Variants in TAS2R1 observed in about 807,000 individuals in gnomAD.
TAS2R1 encodes taste 2 receptor member 1.
For missense variants in TAS2R1, 370 were observed against 353.4 expected, an observed-to-expected ratio of 1.05 and a Z score of -0.38; for synonymous variants, 141 against 134.2, an observed-to-expected ratio of 1.05 and a Z score of -0.35.
chr5:9,722,213 A>T, the TAS2R1 span, among the ~76,000 whole-genome samples: 2 of 152,240 alleles, frequency 1.3e-5, no homozygotes, highest in Non-Finnish European at 2.9e-5. Flanking sequence ...GACCCCCCAC[A>T]GGGGACCCCT....
chr5:9,764,772 G>C, the TAS2R1 span, among the ~76,000 whole-genome samples: 2 of 152,160 alleles, frequency 1.3e-5, no homozygotes, highest in Non-Finnish European at 2.9e-5. Flanking sequence ...TTCAGTTCTA[G>C]AAGCCATGTC....
the TAS2R1 span, among the ~76,000 whole-genome samples, chr5:9,799,308 T>G: frequency 6.6e-6 from 1 of 152,250 alleles, no homozygotes; most frequent in Admixed American, 6.5e-5. Context: ...TAACTAAGTA[T>G]CAGTGACAAT....
At chr5:9,670,796 C>T (rs1740734411) in intron 1 of TAS2R1, among the ~76,000 whole-genome samples, 1 of 152,102 alleles carries the variant, frequency 6.6e-6, no homozygotes, top group African/African-American at 2.4e-5. Flanking sequence ...TTGTATGAAG[C>T]CAGCATCATC....
At chr5:9,648,460 G>T (rs1201219491) in intron 2 of TAS2R1, among the ~76,000 whole-genome samples, 2 of 151,896 alleles carry the variant, frequency 1.3e-5, no homozygotes, top group Admixed American at 6.6e-5. Flanking sequence ...CTTCTGTAAG[G>T]TTAGATGAAG....
the TAS2R1 span, among the ~76,000 whole-genome samples, chr5:9,753,414 A>C: frequency 2.6e-5 from 4 of 151,852 alleles, no homozygotes; most frequent in Non-Finnish European, 5.9e-5. Context: ...TTTTCTTGTA[A>C]ATTTTTGAGT....
rs546085672 is a variant in TAS2R1 at position 9,650,975 on chromosome 5, A to G, written c.-81+8446T>C. Among the ~76,000 whole-genome samples, 24 of 152,342 alleles carry G rather than the reference A, an allele frequency of 1.6e-4. No homozygotes were observed. In the South Asian group the frequency reaches 5.0e-3, roughly 32 times the overall value. On this transcript the variant is annotated intron_variant, in intron 2 of 2. Coordinates refer to the TAS2R1 transcript ENST00000506620. ...ACTGCTGATCAATGACACTGCAGAAAGGTCCACCAGAGAATGCAACCTGAA... is the reference window on the plus strand; with the variant it reads ...ACTGCTGATCAATGACACTGCAGAAGGGTCCACCAGAGAATGCAACCTGAA...
At chr5:9,869,758 T>C in the TAS2R1 span, among the ~76,000 whole-genome samples, 1 of 152,254 alleles carries the variant, frequency 6.6e-6, no homozygotes, top group South Asian at 2.1e-4. Flanking sequence ...TTGCCCTATG[T>C]GCCTTTTCTC....
At chr5:9,867,851 T>C in the TAS2R1 span, among the ~76,000 whole-genome samples, 1 of 152,150 alleles carries the variant, frequency 6.6e-6, no homozygotes, top group East Asian at 1.9e-4. Context: ...GATACAAGCA[T>C]TGGGTAAATA....
the TAS2R1 span, among the ~76,000 whole-genome samples, chr5:9,867,839 G>A: frequency 2.6e-5 from 4 of 152,098 alleles, no homozygotes; most frequent in Admixed American, 2.6e-4. Flanking sequence ...ACATACAATG[G>A]GGATACAAGC....
At chr5:9,849,390 T>C in the TAS2R1 span, among the ~76,000 whole-genome samples, 1 of 152,222 alleles carries the variant, frequency 6.6e-6, no homozygotes, top group African/African-American at 2.4e-5. Flanking sequence ...TGGAAATACA[T>C]GAACTCACTT....
chr5:9,777,377 G>A, the TAS2R1 span, among the ~76,000 whole-genome samples: 20 of 152,234 alleles, frequency 1.3e-4, no homozygotes, highest in Admixed American at 1.3e-4. Context: ...TCCCTCTCAA[G>A]AGACCACTTT....
chr5:9,819,195 C>A, the TAS2R1 span, among the ~76,000 whole-genome samples: 3 of 152,090 alleles, frequency 2.0e-5, no homozygotes, highest in Non-Finnish European at 4.4e-5. Flanking sequence ...TGAGAGAGAT[C>A]TAGGGATGGT....
the TAS2R1 span, among the ~76,000 whole-genome samples, chr5:9,896,351 C>T: frequency 4.6e-5 from 7 of 152,180 alleles, no homozygotes; most frequent in African/African-American, 1.4e-4. Context: ...TTTGAGGTTA[C>T]AGGAGAATGG....
chr5:9,729,398 C>G, the TAS2R1 span, among the ~76,000 whole-genome samples: 3 of 152,170 alleles, frequency 2.0e-5, no homozygotes, highest in African/African-American at 7.2e-5. Context: ...TAGTCAGTAG[C>G]ACTGCTGCTC....
intron 1 of TAS2R1, among the ~76,000 whole-genome samples, chr5:9,686,552 A>T (rs11742576): frequency 0.099 from 15,055 of 152,122 alleles, 900 homozygotes; most frequent in Admixed American, 0.2. Flanking sequence ...CTTTATTTAC[A>T]AGAGTAAGAT....
At chr5:9,812,181 G>A in the TAS2R1 span, among the ~76,000 whole-genome samples, 2 of 151,968 alleles carry the variant, frequency 1.3e-5, no homozygotes, top group African/African-American at 4.8e-5. Flanking sequence ...AATTTCATGA[G>A]GGCAAAGACT....
At chr5:9,746,754 G>A in the TAS2R1 span, among the ~76,000 whole-genome samples, 8 of 152,026 alleles carry the variant, frequency 5.3e-5, no homozygotes, top group Non-Finnish European at 1.2e-4. Context: ...CATCACATAC[G>A]AAGGCCCATC....
At chr5:9,751,879 AATT>A in the TAS2R1 span, among the ~76,000 whole-genome samples, 1 of 152,230 alleles carries the variant, frequency 6.6e-6, no homozygotes, top group Non-Finnish European at 1.5e-5. Context: ...CTGTTGCTTT[AATT>A]AACCATAGGT....
At chr5:9,789,742 C>T in the TAS2R1 span, among the ~76,000 whole-genome samples, 1 of 152,200 alleles carries the variant, frequency 6.6e-6, no homozygotes, top group Non-Finnish European at 1.5e-5. Context: ...AATTCTTCTC[C>T]ACACATCTCA....
Sources: allele counts gnomAD v4.1 joint callset (sites outside exome capture counted in the v4.1 genomes callset), GRCh38; gene constraint gnomAD v4.1.1; transcripts MANE v1.5; gene names NCBI Gene and HGNC (gene_info 2026-07-23, HGNC 2026-07-21).